Variants in SNX2 observed in about 807,000 individuals in gnomAD.
SNX2 encodes sorting nexin 2.
Under a neutral mutation model 69.9 loss-of-function variants are expected in SNX2, and 25 were observed. That is an observed-to-expected ratio of 0.36 (90% CI 0.26 to 0.50). SNX2 has a LOEUF of 0.50. Ranked by LOEUF, SNX2 falls within the 20% of genes least tolerant of loss-of-function variation. The pLI, the probability that SNX2 is intolerant of heterozygous loss-of-function variation, is 0.97. For synonymous variants in SNX2, 229 were observed against 200.4 expected (o/e 1.14, Z -1.20); for missense variants, 551 against 613.3 (o/e 0.90, Z 1.07).
intron 1 of SNX2, among the ~76,000 whole-genome samples, chr5:122,780,725 A>G (rs1344432664): frequency 6.6e-6 from 1 of 151,914 alleles, no homozygotes; most frequent in African/African-American, 2.4e-5. Flanking sequence ...GCACGCCACC[A>G]TGCCCGGCTA....
At chr5:122,799,618 C>G (rs1561454771) in intron 2 of SNX2, 74 bp from the exon 3 acceptor site, 3 of 853,778 alleles carry the variant, frequency 3.5e-6, no homozygotes, top group Non-Finnish European at 5.1e-6. Flanking sequence ...TTTTTATAAT[C>G]CATTAACTGC....
intron 7 of SNX2, among the ~76,000 whole-genome samples, chr5:122,809,956 T>A (rs551975617): frequency 2.6e-5 from 4 of 152,014 alleles, no homozygotes; most frequent in Non-Finnish European, 4.4e-5. Context: ...GTAGGAGAGG[T>A]CATAGACTGA....
At chr5:122,780,742 G>A (rs2149999881) in intron 1 of SNX2, among the ~76,000 whole-genome samples, 1 of 151,880 alleles carries the variant, frequency 6.6e-6, no homozygotes, top group Middle Eastern at 3.4e-3. Flanking sequence ...GCTAATTTTT[G>A]TATTTTTAGT....
intron 1 of SNX2, among the ~76,000 whole-genome samples, chr5:122,790,653 A>C (rs1388799144): frequency 6.6e-6 from 1 of 152,008 alleles, no homozygotes; most frequent in East Asian, 1.9e-4. Flanking sequence ...GGTTGGGCAG[A>C]AAAAAAATGG....
At chr5:122,790,069 A>G (rs1277434089) in intron 1 of SNX2, among the ~76,000 whole-genome samples, 4 of 152,224 alleles carry the variant, frequency 2.6e-5, no homozygotes, top group South Asian at 4.1e-4. Context: ...CTCTCATACA[A>G]TTGTAGTCAG....
chr5:122,812,664 T>C (rs755063826), intron 7 of SNX2, among the ~76,000 whole-genome samples: 59 of 152,226 alleles, frequency 3.9e-4, no homozygotes, highest in Non-Finnish European at 6.2e-4. Context: ...ATTATGTTTA[T>C]AGTTTATTGT....
intron 6 of SNX2, among the ~76,000 whole-genome samples, chr5:122,804,805 A>C (rs1397855968): frequency 6.6e-6 from 1 of 152,216 alleles, no homozygotes; most frequent in Non-Finnish European, 1.5e-5. Flanking sequence ...ATGCTTTTTC[A>C]GTCATAGGTT....
At chr5:122,798,468 T>C (rs1255462119) in intron 2 of SNX2, among the ~76,000 whole-genome samples, 1 of 152,196 alleles carries the variant, frequency 6.6e-6, no homozygotes, top group East Asian at 1.9e-4. Flanking sequence ...TTGACGTGTA[T>C]AACCTTATTT....
chr5:122,801,800 A>T, intron 3 of SNX2, 69 bp from the exon 4 acceptor site: 1 of 973,346 alleles, frequency 1.0e-6, no homozygotes. Flanking sequence ...AATAGATGAT[A>T]AAAATTAGTG....
chr5:122,816,704 A>G (rs1658210408), intron 8 of SNX2, among the ~76,000 whole-genome samples: 1 of 151,378 alleles, frequency 6.6e-6, no homozygotes, highest in African/African-American at 2.4e-5. Context: ...TGGAAAGTCT[A>G]TTTTTTAAGT....
chr5:122,800,526 A>G (rs1485056725), intron 3 of SNX2, among the ~76,000 whole-genome samples: 1 of 152,218 alleles, frequency 6.6e-6, no homozygotes, highest in Non-Finnish European at 1.5e-5. Flanking sequence ...AAAGTAAAGT[A>G]CAGGGCTAGA....
chr5:122,781,000 A>G (rs899118007), intron 1 of SNX2, among the ~76,000 whole-genome samples: 2 of 152,230 alleles, frequency 1.3e-5, no homozygotes, highest in African/African-American at 4.8e-5. Context: ...TGCATTAAGC[A>G]TGGAAAATTA....
chr5:122,786,717 G>GT (rs1447876886), intron 1 of SNX2, among the ~76,000 whole-genome samples: 2 of 151,678 alleles, frequency 1.3e-5, no homozygotes, highest in Admixed American at 6.6e-5. Context: ...ATGGATCCTT[G>GT]TAAGGACGGG....
chr5:122,823,924 G>A (rs577128051), intron 11 of SNX2, among the ~76,000 whole-genome samples: 32 of 152,038 alleles, frequency 2.1e-4, no homozygotes, highest in East Asian at 1.5e-3. Flanking sequence ...TGTCATGGCC[G>A]GGCGCGGTGG....
In SNX2 at chr5:122,833,444, G is replaced by A. The variant is rs766840215; in HGVS notation, c.*3796G>A. 10 of 152,074 alleles carry A rather than the reference G, an allele frequency of 6.6e-5. No individual in the cohort carries two copies. Among genetic ancestry groups the A allele is most frequent in the Non-Finnish European group, 1.3e-4 (9 of 68,002 alleles). The allele number at this position is 152,074 out of a possible 1,614,324, so 9.4% of individuals were successfully genotyped here. A position where few individuals can be genotyped will look rare whatever the true frequency, so the allele number is the denominator to read the frequency against. On this transcript the variant is annotated 3_prime_UTR_variant, in exon 15 of 15. Coordinates refer to ENST00000379516, the MANE Select transcript of SNX2 (RefSeq NM_003100.4). ...AGTAAAAAACAATTTTAATAATCCA[G>A]TAGCTCCAAAATATTATTTTAATAT...
chr5:122,802,121 A>G lies in SNX2; in HGVS notation c.498A>G (p.Thr166=), dbSNP rs776050923. 1 of 1,613,722 alleles carries G rather than the reference A, an allele frequency of 6.2e-7. No homozygotes were observed. Among genetic ancestry groups the G allele is most frequent in the Non-Finnish European group, 8.5e-7 (1 of 1,179,698 alleles). The change falls in exon 5 of 15, where the codon ACA becomes ACG. Residue 166 remains threonine (T), a synonymous_variant. Coordinates refer to ENST00000379516, the MANE Select transcript of SNX2 (RefSeq NM_003100.4). ...MNAYMAYRVT[T]KTSLSMFSKS... ...CCTATATGGCATATAGAGTAACAAC[A>G]AAGGTGAGCTTTTTGTGCTTTTAAA...
Position 122,829,947 on chromosome 5 carries a change from C to A in SNX2, c.*299C>A, listed in dbSNP as rs766221192. 9.1e-6 allele frequency: 3 copies of A among 329,730 alleles called. No homozygotes were observed. The highest frequency in any genetic ancestry group is 4.6e-5 in the Admixed American group (1 of 21,902). 20.4% of individuals were successfully genotyped at this position (329,730 alleles called of 1,614,324 possible). On this transcript the variant is annotated 3_prime_UTR_variant, in exon 15 of 15. Coordinates refer to ENST00000379516, the MANE Select transcript of SNX2 (RefSeq NM_003100.4). ...TTGCACTAAATAGTGCACTGCAAGA[C>A]CAGAAAATTTTACAATATTTTTTCT... is the stretch of plus-strand genomic sequence containing the variant.
Position 122,827,608 on chromosome 5 carries a change from A to G in SNX2, c.1471A>G (p.Ile491Val), listed in dbSNP as rs1436680499. Residue 491 changes from isoleucine to valine, a missense_variant, in exon 14 of 15, where the codon ATC (isoleucine) becomes GTC (valine). Ile to Val is a conservative substitution (Grantham distance 29, BLOSUM62 3). Transcript: ENST00000379516. ...ERVKDFKTVI[I>V]KYLESLVQTQ... ...AGTGAAGGATTTTAAAACCGTTATCATCAAGTACTTAGAATCACTAGTTCA... is the reference window on the plus strand; with the variant it reads ...AGTGAAGGATTTTAAAACCGTTATCGTCAAGTACTTAGAATCACTAGTTCA... The G allele has an allele frequency of 1.2e-6, 2 of 1,613,476 alleles. No homozygotes were observed. Among genetic ancestry groups the G allele is most frequent in the Admixed American group, 1.7e-5 (1 of 59,982 alleles).
chr5:122,783,471 A>AT (rs1200890354), intron 1 of SNX2, among the ~76,000 whole-genome samples: 1 of 152,108 alleles, frequency 6.6e-6, no homozygotes, highest in Non-Finnish European at 1.5e-5. Flanking sequence ...TGTTGAGTTA[A>AT]TTTTTGTGTG....
Sources: allele counts gnomAD v4.1 joint callset (sites outside exome capture counted in the v4.1 genomes callset), GRCh38; gene constraint gnomAD v4.1.1; transcripts MANE v1.5; gene names NCBI Gene and HGNC (gene_info 2026-07-23, HGNC 2026-07-21).